The following CHODL variants were observed in gnomAD, a reference collection of about 807,000 sequenced individuals.
The protein encoded by CHODL is transmembrane protein MT75.
Under a neutral mutation model 34.5 loss-of-function variants are expected in CHODL, and 29 were observed. That is an observed-to-expected ratio of 0.84 (90% confidence interval 0.63 to 1.15). CHODL has a LOEUF of 1.15. Among genes scored for constraint, CHODL ranks in the 50% most tolerant of loss-of-function variants. The pLI is 0.00. For missense variants in CHODL, 332 were observed against 332.5 expected, an observed-to-expected ratio of 1.00 and a Z score of 0.01; for synonymous variants, 125 against 116.1, an observed-to-expected ratio of 1.08 and a Z score of -0.49.
chr21:18,063,736 G>T (rs915911948), intron 2 of CHODL, among the ~76,000 whole-genome samples: 2 of 152,086 alleles, frequency 1.3e-5, no homozygotes, highest in Non-Finnish European at 2.9e-5. Context: ...ATTATGTAAA[G>T]AATACTATTT....
At chr21:17,920,432 A>G (rs910596061) in intron 1 of CHODL, among the ~76,000 whole-genome samples, 1 of 152,182 alleles carries the variant, frequency 6.6e-6, no homozygotes, top group African/African-American at 2.4e-5. Context: ...TTTTAAAACC[A>G]TCAAATCTTG....
At chr21:18,144,607 G>A (rs1183139759) in intron 2 of CHODL, among the ~76,000 whole-genome samples, 5 of 151,998 alleles carry the variant, frequency 3.3e-5, no homozygotes, top group Non-Finnish European at 7.4e-5. Flanking sequence ...CATACGACAA[G>A]CTCTCATAAC....
intron 2 of CHODL, among the ~76,000 whole-genome samples, chr21:18,073,300 G>A (rs1181391526): frequency 6.6e-6 from 1 of 152,110 alleles, no homozygotes; most frequent in Non-Finnish European, 1.5e-5. Flanking sequence ...TTTTAAAAAT[G>A]ACATCCATAA....
chr21:18,209,815 G>A (rs576909338), intron 2 of CHODL, among the ~76,000 whole-genome samples: 1 of 152,274 alleles, frequency 6.6e-6, no homozygotes, highest in African/African-American at 2.4e-5. Flanking sequence ...GTCTAGAAAT[G>A]TTGTCCAGGA....
At chr21:17,940,969 A>T (rs980954935) in intron 1 of CHODL, among the ~76,000 whole-genome samples, 15 of 152,336 alleles carry the variant, frequency 9.8e-5, no homozygotes, top group African/African-American at 3.6e-4. Flanking sequence ...ATGATACTTA[A>T]TTTTAAAGTA....
chr21:18,032,087 T>C (rs1195659910), intron 2 of CHODL, among the ~76,000 whole-genome samples: 1 of 151,996 alleles, frequency 6.6e-6, no homozygotes, highest in East Asian at 1.9e-4. Context: ...CTTGGGAAGA[T>C]GTTAGCAAAG....
intron 1 of CHODL, among the ~76,000 whole-genome samples, chr21:17,943,116 C>T (rs1465799452): frequency 1.3e-5 from 2 of 152,092 alleles, no homozygotes; most frequent in African/African-American, 4.8e-5. Flanking sequence ...TCATTTAGTT[C>T]TTTTTGGCAG....
At chr21:17,933,969 A>T (rs1241449566) in intron 1 of CHODL, among the ~76,000 whole-genome samples, 1 of 151,960 alleles carries the variant, frequency 6.6e-6, no homozygotes, top group Non-Finnish European at 1.5e-5. Flanking sequence ...CTGGGGAGGC[A>T]GAGGTTGCAG....
At chr21:18,173,869 A>T (rs902606423) in intron 2 of CHODL, among the ~76,000 whole-genome samples, 4 of 150,706 alleles carry the variant, frequency 2.7e-5, no homozygotes, top group African/African-American at 7.3e-5. Flanking sequence ...AGGCTAAATT[A>T]AAAAAAAATT....
intron 1 of CHODL, among the ~76,000 whole-genome samples, chr21:17,927,047 CAT>C (rs532675275): frequency 7.3e-5 from 11 of 149,682 alleles, no homozygotes; most frequent in Non-Finnish European, 1.6e-4. Context: ...TATATGTATG[CAT>C]ATATGTGTAT....
chr21:17,962,508 A>C (rs2146353039), intron 1 of CHODL, among the ~76,000 whole-genome samples: 1 of 152,224 alleles, frequency 6.6e-6, no homozygotes, highest in African/African-American at 2.4e-5. Context: ...GCTGACCCCG[A>C]GGATGTGTCT....
intron 1 of CHODL, among the ~76,000 whole-genome samples, chr21:17,931,242 G>T (rs2063270778): frequency 6.6e-6 from 1 of 152,196 alleles, no homozygotes; most frequent in Admixed American, 6.5e-5. Flanking sequence ...ATCTGCTTCT[G>T]TGACAGACAG....
At chr21:18,241,565 G>A (rs58028404), upstream of CHODL, among the ~76,000 whole-genome samples, 6,859 of 152,208 alleles carry the variant, frequency 0.045, 493 homozygotes, top group African/African-American at 0.16. Flanking sequence ...GACTTAGGCT[G>A]AAGCCACTGT....
intron 2 of CHODL, among the ~76,000 whole-genome samples, chr21:18,177,594 C>T (rs1240570532): frequency 6.6e-6 from 1 of 152,088 alleles, no homozygotes; most frequent in Admixed American, 6.5e-5. Flanking sequence ...TTGAAATGCA[C>T]AGATACTTCA....
At chr21:18,010,072 G>A (rs2063999533) in intron 1 of CHODL, among the ~76,000 whole-genome samples, 2 of 124,720 alleles carry the variant, frequency 1.6e-5, no homozygotes, top group African/African-American at 3.0e-5. Context: ...TGGTTCAATC[G>A]AGACCATCCT....
At chr21:17,945,810 T>C (rs2063402883) in intron 1 of CHODL, among the ~76,000 whole-genome samples, 1 of 152,046 alleles carries the variant, frequency 6.6e-6, no homozygotes, top group African/African-American at 2.4e-5. Flanking sequence ...ATAATCAAAC[T>C]ATCAAAAATT....
chr21:17,932,984 G>A (rs1334129415), intron 1 of CHODL, among the ~76,000 whole-genome samples: 2 of 152,180 alleles, frequency 1.3e-5, no homozygotes, highest in East Asian at 1.9e-4. Flanking sequence ...ACACGTGAGG[G>A]AAGGTCTCTG....
At chr21:18,265,643 A>G (rs1393182743) in intron 5 of CHODL, among the ~76,000 whole-genome samples, 1 of 152,174 alleles carries the variant, frequency 6.6e-6, no homozygotes, top group Admixed American at 6.5e-5. Flanking sequence ...CATGTAACCA[A>G]ACACCACCCG....
At chr21:18,238,114 C>T (rs1417650544) in intron 2 of CHODL, among the ~76,000 whole-genome samples, 3 of 152,100 alleles carry the variant, frequency 2.0e-5, no homozygotes, top group Non-Finnish European at 2.9e-5. Context: ...TGTCCTAAAG[C>T]TTCTCAGCAC....
Sources: gnomAD v4.1 joint callset for allele counts (sites outside exome capture counted in the v4.1 genomes callset) on GRCh38, gnomAD v4.1.1 for gene constraint, MANE v1.5 for transcripts, NCBI Gene and HGNC (gene_info 2026-07-23, HGNC 2026-07-21) for gene names.